CACYBP: variants seen among roughly 807,000 people sequenced by gnomAD.
The protein encoded by CACYBP is calcyclin-binding protein.
A neutral mutation model predicts 29.6 loss-of-function variants in CACYBP; 11 were observed. The observed-to-expected ratio is 0.37, with a 90% CI of 0.23 to 0.61. The LOEUF (loss-of-function observed/expected upper bound fraction) is 0.61. Ranked by LOEUF, CACYBP falls within the 20% of genes least tolerant of loss-of-function variation. The probability of loss-of-function intolerance (pLI) is 0.65; values close to 1 mark genes in which losing one functional copy is unlikely to be tolerated. For synonymous variants in CACYBP, 73 were observed against 88.3 expected, an observed-to-expected ratio of 0.83 and a Z score of 0.97; for missense variants, 163 against 260.7, an observed-to-expected ratio of 0.63 and a Z score of 2.58.
At chr1:175,002,184 A>G (rs1672508781) in intron 1 of CACYBP, among the ~76,000 whole-genome samples, 2 of 152,268 alleles carry the variant, frequency 1.3e-5, no homozygotes, top group South Asian at 4.1e-4. Flanking sequence ...TTTCTGAGAA[A>G]CTGTTAGACT....
chr1:175,007,227 G>A, intron 4 of CACYBP, 30 bp downstream of exon 4: 1 of 1,338,098 alleles, frequency 7.5e-7, no homozygotes, highest in African/African-American at 1.4e-5. Flanking sequence ...TTGTAATATT[G>A]TGAAACCTTA....
rs904974053 is a variant in CACYBP, at chr1:175,000,098, C to T, written c.-83C>T. 2 of 1,545,880 alleles carry T rather than the reference C, an allele frequency of 1.3e-6. No individual in the cohort carries two copies. The highest frequency in any genetic ancestry group is 2.7e-5 in the African/African-American group (2 of 72,732). On this transcript the variant is annotated 5_prime_UTR_variant, in exon 1 of 6. Coordinates refer to ENST00000367679, the MANE Select transcript of CACYBP (RefSeq NM_014412.3). Reference sequence around the variant, plus strand: ...CGACTCGTGCGGGTAGGCGTCTGCGCTCGGTTTGAGGGCTCGGCGCGGGGT... The same window carrying T: ...CGACTCGTGCGGGTAGGCGTCTGCGTTCGGTTTGAGGGCTCGGCGCGGGGT...
chr1:175,007,653 GTAA>G (rs1672650606), intron 4 of CACYBP, among the ~76,000 whole-genome samples: 1 of 152,162 alleles, frequency 6.6e-6, no homozygotes, highest in African/African-American at 2.4e-5. Flanking sequence ...TTATGCGATA[GTAA>G]TAATTTATTT....
intron 1 of CACYBP, among the ~76,000 whole-genome samples, chr1:175,001,432 G>C (rs1206001127): frequency 6.6e-6 from 1 of 152,120 alleles, no homozygotes; most frequent in Admixed American, 6.5e-5. Flanking sequence ...TCTAGTTTCA[G>C]GACATTTTCA....
intron 1 of CACYBP, chr1:175,000,523 C>A: frequency 8.0e-7 from 1 of 1,253,334 alleles, no homozygotes; most frequent in Non-Finnish European, 1.0e-6. Context: ...GGTTTCCCAG[C>A]CAGTGGACAG....
chr1:175,004,601 T>A lies in CACYBP; in HGVS notation c.16-13T>A, dbSNP rs1672570258. On this transcript the variant is annotated splice_polypyrimidine_tract_variant and intron_variant, in intron 1 of 5. Transcript: ENST00000367679. ...TATTTATCATAGCTAACTTATTTTTTGTCTTAACACAGCTACAGAAAGATC... is the reference window on the plus strand; with the variant it reads ...TATTTATCATAGCTAACTTATTTTTAGTCTTAACACAGCTACAGAAAGATC... The A allele has an allele frequency of 1.3e-6, 2 of 1,527,516 alleles. No individual in the cohort carries two copies. The highest frequency in any genetic ancestry group is 2.8e-5 in the African/African-American group (2 of 71,688). The allele number at this position is 1,527,516 out of a possible 1,614,324, so 94.6% of individuals were successfully genotyped here.
intron 1 of CACYBP, 185 bp downstream of exon 1, chr1:175,000,380 T>G: frequency 1.4e-6 from 2 of 1,420,214 alleles, no homozygotes; most frequent in Non-Finnish European, 9.2e-7. Context: ...CCCCAGCGCT[T>G]CCACTCGACC....
chr1:175,010,267 C>A lies in CACYBP; in HGVS notation c.*188C>A. ...AAATAAAATATGCTTATTAAACACT[C>A]CTGCAAAGATGGTTTTATTAGTACC... On this transcript the variant is annotated 3_prime_UTR_variant, in exon 6 of 6. Transcript: ENST00000367679. 2.2e-6 allele frequency: 1 copy of A among 464,666 alleles called. No homozygotes were observed. Among genetic ancestry groups the A allele is most frequent in the Non-Finnish European group, 3.8e-6 (1 of 262,450 alleles). 28.8% of individuals were successfully genotyped at this position (464,666 alleles called of 1,614,324 possible).
Position 174,999,980 on chromosome 1 carries a change from G to A in CACYBP, c.-201G>A. The A allele has an allele frequency of 1.4e-6, 1 of 691,382 alleles. No homozygotes were observed. 42.8% of individuals were successfully genotyped at this position (691,382 alleles called of 1,614,324 possible). A position where few individuals can be genotyped will look rare whatever the true frequency, so the allele number is the denominator to read the frequency against. ...GTGCGTGCTCGCGGTGGGCGGTGGC[G>A]GCGGCTGCCTCGCGAAGGTTCGAGA... On this transcript the variant is annotated 5_prime_UTR_variant, in exon 1 of 6. Transcript: ENST00000367679.
intron 1 of CACYBP, among the ~76,000 whole-genome samples, chr1:175,001,201 A>G (rs758450465): frequency 1.4e-4 from 22 of 152,194 alleles, no homozygotes; most frequent in Non-Finnish European, 2.9e-4. Context: ...ATGTGCCCCT[A>G]GGAGATAACT....
chr1:175,003,968 T>C (rs1443722493), intron 1 of CACYBP, among the ~76,000 whole-genome samples: 4 of 152,218 alleles, frequency 2.6e-5, no homozygotes, highest in Non-Finnish European at 5.9e-5. Flanking sequence ...TTTTGTCACC[T>C]TCTGTGCAAC....
intron 2 of CACYBP, chr1:175,005,101 TTGGTGGTGGTGG>T (rs199946453): frequency 9.4e-6 from 4 of 423,312 alleles, no homozygotes; most frequent in South Asian, 2.6e-5. Context: ...AGACACAGCT[TTGGTGGTGGTGG>T]TGGTGGTGGT....
intron 1 of CACYBP, chr1:175,000,413 G>C (rs970478058): frequency 7.1e-7 from 1 of 1,400,370 alleles, no homozygotes; most frequent in African/African-American, 1.5e-5. Context: ...CGCCTGCTGG[G>C]CTCGAGCGGG....
chr1:175,000,635 T>C, intron 1 of CACYBP: 1 of 1,027,086 alleles, frequency 9.7e-7, no homozygotes, highest in Non-Finnish European at 1.2e-6. Context: ...ATTCTCCTAG[T>C]CAGGTTTTCT....
At position 175,010,771 on chromosome 1, in the gene CACYBP, A is replaced by G. The variant is rs902824206; in HGVS notation, c.*692A>G. 2 of 152,350 alleles carry G rather than the reference A, an allele frequency of 1.3e-5. No individual in the cohort carries two copies. The highest frequency in any genetic ancestry group is 1.9e-4 in the East Asian group (1 of 5,190). The allele number at this position is 152,350 out of a possible 1,614,324, so 9.4% of individuals were successfully genotyped here. A position where few individuals can be genotyped will look rare whatever the true frequency, so the allele number is the denominator to read the frequency against. ...ATAATTTGAAAGCCCGTCTATTCCT[A>G]TGCTCAATAAAGTTAAGTTTTTCTT... On this transcript the variant is annotated 3_prime_UTR_variant, in exon 6 of 6. Coordinates refer to ENST00000367679, the MANE Select transcript of CACYBP (RefSeq NM_014412.3).
At chr1:175,009,667 C>G (rs1672701484) in intron 5 of CACYBP, among the ~76,000 whole-genome samples, 1 of 133,270 alleles carries the variant, frequency 7.5e-6, no homozygotes, top group Non-Finnish European at 1.6e-5. Context: ...AAAAAAAAAT[C>G]ATGGGAAATC....
At chr1:175,003,388 G>C (rs1672540790) in intron 1 of CACYBP, among the ~76,000 whole-genome samples, 1 of 152,060 alleles carries the variant, frequency 6.6e-6, no homozygotes, top group African/African-American at 2.4e-5. Context: ...CAAAGTACTG[G>C]GATTACAGGT....
chr1:175,009,894 C>T, intron 5 of CACYBP, 29 bp from the exon 6 acceptor site: 2 of 1,579,984 alleles, frequency 1.3e-6, no homozygotes, highest in Non-Finnish European at 1.7e-6. Context: ...TTTCGTTTCC[C>T]CATTGTTGTA....
At chr1:175,008,502 C>G in intron 4 of CACYBP, 107 bp from the exon 5 acceptor site, 1 of 656,574 alleles carries the variant, frequency 1.5e-6, no homozygotes, top group Non-Finnish European at 2.7e-6. Context: ...CAAAATAAGT[C>G]TATACATACT....
Sources: gnomAD v4.1 joint callset for allele counts (sites outside exome capture counted in the v4.1 genomes callset) on GRCh38, gnomAD v4.1.1 for gene constraint, MANE v1.5 for transcripts, NCBI Gene and HGNC (gene_info 2026-07-23, HGNC 2026-07-21) for gene names.